Variants in NAV2 observed in about 807,000 individuals in gnomAD.
NAV2 encodes helicase, APC down-regulated 1.
A neutral mutation model predicts 223.2 loss-of-function variants in NAV2; 54 were observed. The ratio of observed to expected loss-of-function variants is 0.24; its 90% confidence interval spans 0.19 to 0.30. The LOEUF is 0.30. Ranked by LOEUF, NAV2 falls within the 10% of genes least tolerant of loss-of-function variation. The pLI is 1.00. For synonymous variants in NAV2, 1,279 were observed against 1,239.3 expected (o/e 1.03, Z -0.67); for missense variants, 2,806 against 3,147.5 (o/e 0.89, Z 2.60).
intron 1 of NAV2, among the ~76,000 whole-genome samples, chr11:19,489,711 G>A (rs1011499014): frequency 6.6e-6 from 1 of 152,190 alleles, no homozygotes; most frequent in African/African-American, 2.4e-5. Flanking sequence ...GTCTTGTGGA[G>A]TATTGGGATA....
chr11:19,691,023 A>G (rs1294952691), intron 1 of NAV2, among the ~76,000 whole-genome samples: 1 of 152,184 alleles, frequency 6.6e-6, no homozygotes, highest in African/African-American at 2.4e-5. Context: ...GAGCTTCTGA[A>G]ACTTTTTTGT....
At chr11:19,420,503 G>A (rs1212976227) in intron 1 of NAV2, among the ~76,000 whole-genome samples, 1 of 152,210 alleles carries the variant, frequency 6.6e-6, no homozygotes, top group Non-Finnish European at 1.5e-5. Flanking sequence ...CAAAATCTGA[G>A]TAGTATTCAT....
At chr11:19,486,753 C>G (rs1366059410) in intron 1 of NAV2, among the ~76,000 whole-genome samples, 1 of 152,182 alleles carries the variant, frequency 6.6e-6, no homozygotes, top group Non-Finnish European at 1.5e-5. Context: ...AATACCGTCA[C>G]TCTCTCTATC....
At chr11:19,355,014 G>A (rs1240888498) in intron 1 of NAV2, among the ~76,000 whole-genome samples, 4 of 152,170 alleles carry the variant, frequency 2.6e-5, no homozygotes, top group Admixed American at 6.5e-5. Flanking sequence ...GGAAAAAGCC[G>A]GGGAGACAGG....
chr11:19,958,454 T>C (rs984754941), intron 10 of NAV2, among the ~76,000 whole-genome samples: 1 of 152,096 alleles, frequency 6.6e-6, no homozygotes, highest in Non-Finnish European at 1.5e-5. Context: ...ATGGCTTGTG[T>C]TGGGACACAA....
chr11:19,505,852 T>C (rs1438741524), intron 1 of NAV2: 1 of 152,158 alleles, frequency 6.6e-6, no homozygotes, highest in Non-Finnish European at 1.5e-5. Flanking sequence ...ATTTGGAAGA[T>C]GCAAATCCAT....
rs1057262372 is a variant in NAV2 at position 20,045,603 on chromosome 11, A to G, written c.3835A>G (p.Ser1279Gly). 33 of 1,614,140 alleles carry G rather than the reference A, an allele frequency of 2.0e-5. No homozygotes were observed. Among genetic ancestry groups the G allele is most frequent in the Non-Finnish European group, 2.7e-5 (32 of 1,180,046 alleles). ...GAATCCGGCAGCCCAGCCTGTGTCC[A>G]GTCCGGCTCAGACCAGTCTCCAGCC... ...KVNPAAQPVS[S>G]PAQTSLQPGA... Residue 1279 changes from serine to glycine, a missense_variant, in exon 14 of 38, where the codon AGT becomes GGT. By Grantham distance (56) the Ser-to-Gly change is moderately conservative. Coordinates refer to ENST00000349880, the MANE Select transcript of NAV2 (RefSeq NM_145117.5).
intron 1 of NAV2, among the ~76,000 whole-genome samples, chr11:19,413,312 A>G (rs1850225346): frequency 6.6e-6 from 1 of 152,316 alleles, no homozygotes; most frequent in Admixed American, 6.5e-5. Flanking sequence ...ATCAAGTGGA[A>G]GAAAGGATAT....
At chr11:20,050,895 G>A (rs1381597235) in intron 16 of NAV2, among the ~76,000 whole-genome samples, 1 of 152,234 alleles carries the variant, frequency 6.6e-6, no homozygotes, top group Non-Finnish European at 1.5e-5. Context: ...AGTTAGGGGT[G>A]CAGGGAAGTG....
At chr11:19,538,347 T>C (rs540592275) in intron 1 of NAV2, among the ~76,000 whole-genome samples, 1 of 152,096 alleles carries the variant, frequency 6.6e-6, no homozygotes, top group Non-Finnish European at 1.5e-5. Flanking sequence ...TTCCTTTTTC[T>C]TTTCTTTTTT....
chr11:20,019,307 A>G (rs2054284644), intron 11 of NAV2, among the ~76,000 whole-genome samples: 1 of 152,202 alleles, frequency 6.6e-6, no homozygotes, highest in African/African-American at 2.4e-5. Flanking sequence ...GGCCTTCTTA[A>G]TGGATTACAT....
intron 1 of NAV2, among the ~76,000 whole-genome samples, chr11:19,601,682 G>T (rs2046353932): frequency 6.6e-6 from 1 of 152,092 alleles, no homozygotes; most frequent in South Asian, 2.1e-4. Flanking sequence ...AATCTTGGTG[G>T]GGACACAGAG....
At chr11:19,766,588 G>T (rs1185135868) in intron 1 of NAV2, among the ~76,000 whole-genome samples, 1 of 152,186 alleles carries the variant, frequency 6.6e-6, no homozygotes, top group African/African-American at 2.4e-5. Flanking sequence ...AACCAAGTTG[G>T]TGTGGATGGG....
At chr11:19,768,482 C>A (rs551823967) in intron 1 of NAV2, among the ~76,000 whole-genome samples, 1 of 151,990 alleles carries the variant, frequency 6.6e-6, no homozygotes, top group South Asian at 2.1e-4. Flanking sequence ...ACTGGTATGG[C>A]AAAAGGACGG....
chr11:19,826,876 C>T (rs1252939823), intron 1 of NAV2, among the ~76,000 whole-genome samples: 2 of 152,232 alleles, frequency 1.3e-5, no homozygotes, highest in African/African-American at 4.8e-5. Context: ...CCATATTCAG[C>T]TCTACCTGGC....
chr11:19,942,297 T>A (rs1005592792), intron 8 of NAV2, among the ~76,000 whole-genome samples: 1 of 152,174 alleles, frequency 6.6e-6, no homozygotes, highest in African/African-American at 2.4e-5. Flanking sequence ...TGTTCCTACA[T>A]TGCCCTTGGG....
At chr11:20,064,528 A>T (rs2058914267) in intron 20 of NAV2, among the ~76,000 whole-genome samples, 1 of 152,188 alleles carries the variant, frequency 6.6e-6, no homozygotes, top group South Asian at 2.1e-4. Context: ...GGCCAGCATT[A>T]TGCAGACTTG....
intron 1 of NAV2, among the ~76,000 whole-genome samples, chr11:19,742,413 A>G (rs1384699641): frequency 1.3e-5 from 2 of 152,268 alleles, no homozygotes; most frequent in African/African-American, 4.8e-5. Flanking sequence ...TTAGTGCCCA[A>G]TAAACAGCTA....
intron 1 of NAV2, among the ~76,000 whole-genome samples, chr11:19,455,814 C>T (rs1341178388): frequency 6.6e-6 from 1 of 152,228 alleles, no homozygotes; most frequent in African/African-American, 2.4e-5. Flanking sequence ...AATGTCTGTG[C>T]TGGCGAAACA....
Sources: allele counts gnomAD v4.1 joint callset (sites outside exome capture counted in the v4.1 genomes callset), GRCh38; gene constraint gnomAD v4.1.1; transcripts MANE v1.5; gene names NCBI Gene and HGNC (gene_info 2026-07-23, HGNC 2026-07-21).